DLG2: variants seen among roughly 807,000 people sequenced by gnomAD.
The protein encoded by DLG2 is discs large MAGUK scaffold protein 2.
In DLG2, 45 loss-of-function variants were observed where a neutral mutation model predicts 132.5. The ratio of observed to expected loss-of-function variants is 0.34; its 90% confidence interval spans 0.27 to 0.44. The LOEUF is 0.44. Among genes scored for constraint, DLG2 ranks in the 20% least tolerant of loss-of-function variants. The probability of loss-of-function intolerance (pLI) is 1.00; values close to 1 mark genes in which losing one functional copy is unlikely to be tolerated. For synonymous variants in DLG2, 424 were observed against 419.6 expected, an observed-to-expected ratio of 1.01 and a Z score of -0.13; for missense variants, 1,045 against 1,196.9, an observed-to-expected ratio of 0.87 and a Z score of 1.87.
chr11:83,570,558 A>G (rs1048888669), intron 19 of DLG2, among the ~76,000 whole-genome samples: 2 of 152,184 alleles, frequency 1.3e-5, no homozygotes, highest in Non-Finnish European at 2.9e-5. Flanking sequence ...AAAGTAAAGG[A>G]AGGTAAATAA....
chr11:83,955,274 T>C (rs566184452), intron 14 of DLG2, among the ~76,000 whole-genome samples: 2 of 152,042 alleles, frequency 1.3e-5, no homozygotes, highest in African/African-American at 2.4e-5. Context: ...AGCTAGGAAA[T>C]GGTGTGATTC....
intron 8 of DLG2, among the ~76,000 whole-genome samples, chr11:84,194,810 C>G (rs939785744): frequency 2.6e-5 from 4 of 152,218 alleles, no homozygotes; most frequent in African/African-American, 7.2e-5. Context: ...ACCCTGCGCC[C>G]ACACTCCTCA....
chr11:85,342,136 C>G (rs1014592630), intron 3 of DLG2, among the ~76,000 whole-genome samples: 1 of 152,100 alleles, frequency 6.6e-6, no homozygotes, highest in African/African-American at 2.4e-5. Context: ...ACTTTTATTT[C>G]TTCAATAATT....
intron 4 of DLG2, among the ~76,000 whole-genome samples, chr11:85,276,415 T>A (rs2077894177): frequency 6.6e-6 from 1 of 152,110 alleles, no homozygotes; most frequent in Admixed American, 6.6e-5. Flanking sequence ...AAGATGATAG[T>A]CATTGCAACC....
chr11:84,429,834 G>A (rs2098978618), intron 7 of DLG2, among the ~76,000 whole-genome samples: 1 of 152,060 alleles, frequency 6.6e-6, no homozygotes, highest in Non-Finnish European at 1.5e-5. Flanking sequence ...TCAGGTAGAG[G>A]AATATCATTC....
intron 6 of DLG2, among the ~76,000 whole-genome samples, chr11:84,606,602 C>T (rs1430284599): frequency 1.3e-5 from 2 of 152,002 alleles, no homozygotes; most frequent in African/African-American, 4.8e-5. Context: ...GATTAAATGG[C>T]AATTGTGACA....
chr11:83,978,629 C>G (rs1288555146), intron 12 of DLG2, among the ~76,000 whole-genome samples: 1 of 152,056 alleles, frequency 6.6e-6, no homozygotes, highest in Non-Finnish European at 1.5e-5. Context: ...GTAGTGGCTT[C>G]AGGTGGTAAA....
chr11:83,926,262 C>G (rs76499874), intron 15 of DLG2, among the ~76,000 whole-genome samples: 3 of 152,268 alleles, frequency 2.0e-5, no homozygotes, highest in South Asian at 4.1e-4. Context: ...TGCTGACTAA[C>G]CTTTATTCTT....
intron 3 of DLG2, among the ~76,000 whole-genome samples, chr11:85,476,234 A>C (rs536239247): frequency 6.6e-6 from 1 of 152,252 alleles, no homozygotes; most frequent in Admixed American, 6.5e-5. Context: ...GAAAAGGTAC[A>C]GTAAATATAT....
chr11:84,661,924 G>C (rs371272493), intron 6 of DLG2, among the ~76,000 whole-genome samples: 1 of 152,058 alleles, frequency 6.6e-6, no homozygotes, highest in African/African-American at 2.4e-5. Context: ...CTGAATTAAC[G>C]GTAACAAGAC....
chr11:84,389,352 T>C (rs2098783687), intron 7 of DLG2, among the ~76,000 whole-genome samples: 3 of 152,110 alleles, frequency 2.0e-5, no homozygotes, highest in Admixed American at 1.3e-4. Flanking sequence ...AAACTTCTGT[T>C]CTTCAGTTAA....
intron 3 of DLG2, among the ~76,000 whole-genome samples, chr11:85,548,476 A>C (rs1397321842): frequency 6.6e-6 from 1 of 152,186 alleles, no homozygotes; most frequent in Non-Finnish European, 1.5e-5. Context: ...TCAGGGACCC[A>C]CTTGAGGAGG....
At chr11:84,309,137 C>T (rs945465506) in intron 7 of DLG2, among the ~76,000 whole-genome samples, 10 of 152,260 alleles carry the variant, frequency 6.6e-5, no homozygotes, top group South Asian at 2.1e-4. Flanking sequence ...GTACACCAAA[C>T]CCCAGGAACA....
intron 5 of DLG2, among the ~76,000 whole-genome samples, chr11:85,145,914 T>C (rs867794554): frequency 2.2e-4 from 34 of 152,286 alleles, no homozygotes; most frequent in Admixed American, 1.6e-3. Flanking sequence ...TATCTGGGTA[T>C]TTAGAAGTTA....
chr11:84,486,813 T>G (rs1357906934), intron 7 of DLG2, among the ~76,000 whole-genome samples: 3 of 152,120 alleles, frequency 2.0e-5, no homozygotes, highest in Non-Finnish European at 4.4e-5. Context: ...TATTTGATAC[T>G]CCTGTATCAA....
intron 6 of DLG2, among the ~76,000 whole-genome samples, chr11:85,045,534 G>GT (rs2062259497): frequency 6.6e-6 from 1 of 151,822 alleles, no homozygotes; most frequent in South Asian, 2.1e-4. Flanking sequence ...AAAGAGAGAG[G>GT]TTGTAGGAGG....
intron 7 of DLG2, among the ~76,000 whole-genome samples, chr11:84,373,249 C>CAAAAAAAAAAAAACAAAA (rs1555532573): frequency 2.4e-5 from 1 of 41,666 alleles, no homozygotes; most frequent in African/African-American, 1.3e-4. Flanking sequence ...AAGAAACAGT[C>CAAAAAAAAAAAAACAAAA]AAAAAAAAAA....
chr11:83,936,963 T>G (rs1013926217), intron 14 of DLG2, among the ~76,000 whole-genome samples: 1 of 152,208 alleles, frequency 6.6e-6, no homozygotes, highest in Non-Finnish European at 1.5e-5. Flanking sequence ...TCAAGGCCGT[T>G]GAGACATGGA....
intron 9 of DLG2, among the ~76,000 whole-genome samples, chr11:84,121,446 A>AATATTTTCC (rs2093906791): frequency 6.6e-6 from 1 of 152,086 alleles, no homozygotes; most frequent in Non-Finnish European, 1.5e-5. Context: ...TATTATGGAA[A>AATATTTTCC]ATATTTTCTC....
Sources: gnomAD v4.1 joint callset for allele counts (sites outside exome capture counted in the v4.1 genomes callset) on GRCh38, gnomAD v4.1.1 for gene constraint, MANE v1.5 for transcripts, NCBI Gene and HGNC (gene_info 2026-07-23, HGNC 2026-07-21) for gene names.